The following WDR44 variants were observed in gnomAD, a reference collection of about 807,000 sequenced individuals.
WDR44 encodes the protein WD repeat domain 44, also known as WD repeat-containing protein 44.
WDR44 carries 9 observed loss-of-function variants against 65.7 expected under a neutral mutation model. The observed-to-expected ratio is 0.14, with a 90% CI of 0.08 to 0.24. The LOEUF is 0.24. Among genes scored for constraint, WDR44 ranks in the 10% least tolerant of loss-of-function variants. WDR44 has a pLI of 1.00. For synonymous variants in WDR44, 220 were observed against 235.2 expected (o/e 0.94, Z 0.59); for missense variants, 425 against 670.9 (o/e 0.63, Z 4.05).
In WDR44 at chrX:118,449,017, A is replaced by G. The variant is rs776077582; in HGVS notation, c.*30A>G. On this transcript the variant is annotated 3_prime_UTR_variant, in exon 20 of 20. Coordinates refer to ENST00000254029, the MANE Select transcript of WDR44 (RefSeq NM_019045.5). Reference sequence around the variant, plus strand: ...AAATGGCATTTAAAATAAACATATCAGTAAGTTTCTATATGTATCAAAACT... The same window carrying G: ...AAATGGCATTTAAAATAAACATATCGGTAAGTTTCTATATGTATCAAAACT... 29 of 1,020,236 alleles carry G rather than the reference A, an allele frequency of 2.8e-5. No individual in the cohort carries two copies. Among genetic ancestry groups the G allele is most frequent in the Middle Eastern group, 2.9e-4 (1 of 3,494 alleles). The allele number at this position is 1,020,236 out of a possible 1,213,427, so 84.1% of individuals were successfully genotyped here.
chrX:118,361,589 T>TA (rs1300454013), intron 1 of WDR44, among the ~76,000 whole-genome samples: 3 of 110,098 alleles, frequency 2.7e-5, no homozygotes, highest in Non-Finnish European at 3.8e-5. Context: ...TCAAAAAAAT[T>TA]AAAAAATTAA....
intron 6 of WDR44, among the ~76,000 whole-genome samples, chrX:118,395,971 G>A (rs1019759892): frequency 6.4e-5 from 7 of 109,419 alleles, no homozygotes; most frequent in African/African-American, 1.7e-4. Flanking sequence ...GCAGTGAGCC[G>A]AGATCACACC....
At position 118,441,549 on chromosome X, in the gene WDR44, A is replaced by G; in HGVS notation, c.2156A>G (p.Tyr719Cys). Residue 719 changes from tyrosine to cysteine, a missense_variant, in exon 15 of 20, where the codon TAT (tyrosine) becomes TGT (cysteine). This residue lies in a region of WDR44 where 73 missense variants were observed against 187.4 expected (regional missense o/e 0.39). Transcript: ENST00000254029. Reference protein sequence around the residue: ...IGTYDGRCIFYDTEHLKYHTQ... With the variant: ...IGTYDGRCIFCDTEHLKYHTQ... ...ACATATGATGGCAGATGTATTTTCT[A>G]TGATACAGAGGTAAATGATTGTTTT... The G allele has an allele frequency of 8.3e-7, 1 of 1,203,618 alleles. No homozygotes were observed. Among genetic ancestry groups the G allele is most frequent in the Non-Finnish European group, 1.1e-6 (1 of 889,215 alleles).
chrX:118,403,833 T>C (rs2056940310), intron 8 of WDR44, among the ~76,000 whole-genome samples: 1 of 112,212 alleles, frequency 8.9e-6, no homozygotes, highest in Admixed American at 9.5e-5. Flanking sequence ...TTTTATTACA[T>C]GCACCTACCC....
chrX:118,353,735 C>T (rs1161628444), intron 1 of WDR44, among the ~76,000 whole-genome samples: 1 of 111,972 alleles, frequency 8.9e-6, no homozygotes, highest in Non-Finnish European at 1.9e-5. Flanking sequence ...ATTTCCAGAT[C>T]GAGGGTGACC....
intron 1 of WDR44, among the ~76,000 whole-genome samples, chrX:118,352,347 TA>T (rs1235275942): frequency 3.6e-3 from 102 of 28,422 alleles, no homozygotes; most frequent in African/African-American, 0.017. Flanking sequence ...TATATATATA[TA>T]TATATTTTTT....
intron 12 of WDR44, among the ~76,000 whole-genome samples, chrX:118,416,682 G>GTA (rs2057060214): frequency 8.9e-6 from 1 of 111,747 alleles, no homozygotes; most frequent in Non-Finnish European, 1.9e-5. Flanking sequence ...GGAATGTTCT[G>GTA]TATATATATC....
intron 1 of WDR44, among the ~76,000 whole-genome samples, chrX:118,369,509 A>C (rs745688109): frequency 1.2e-5 from 1 of 82,732 alleles, no homozygotes; most frequent in Admixed American, 1.6e-4. Flanking sequence ...TTGCTCTGTC[A>C]CCCAGGCTGG....
intron 9 of WDR44, among the ~76,000 whole-genome samples, chrX:118,406,405 A>T (rs1046160560): frequency 9.0e-6 from 1 of 111,391 alleles, no homozygotes; most frequent in Admixed American, 9.6e-5. Context: ...TGTTTGTATA[A>T]AAATAAATAA....
intron 1 of WDR44, among the ~76,000 whole-genome samples, chrX:118,347,272 C>T (rs1319450233): frequency 1.8e-5 from 2 of 112,258 alleles, no homozygotes; most frequent in Non-Finnish European, 3.8e-5. Context: ...CAACTGACTG[C>T]AGAGGGACAA....
chrX:118,384,933 A>G (rs1031375402), intron 2 of WDR44, among the ~76,000 whole-genome samples: 2 of 111,483 alleles, frequency 1.8e-5, no homozygotes, highest in African/African-American at 6.5e-5. Flanking sequence ...GCAATTGCAA[A>G]TGATGGGAGT....
intron 19 of WDR44, chrX:118,447,176 T>G (rs1409368778): frequency 4.2e-6 from 1 of 238,051 alleles, no homozygotes; most frequent in Non-Finnish European, 7.8e-6. Context: ...CCTGGCCTTT[T>G]TTTCTTTTCT....
chrX:118,384,347 T>G (rs2056747289), intron 2 of WDR44, among the ~76,000 whole-genome samples: 1 of 111,509 alleles, frequency 9.0e-6, no homozygotes, highest in Admixed American at 9.6e-5. Flanking sequence ...AGACAAAAAA[T>G]AAGCAAGTAA....
At chrX:118,404,474 CA>C (rs2056945844) in intron 9 of WDR44, 30 bp downstream of exon 9, 1 of 1,041,713 alleles carries the variant, frequency 9.6e-7, no homozygotes, top group African/African-American at 1.9e-5. Flanking sequence ...TTCAACTAAA[CA>C]TTCAATTAAT....
At chrX:118,439,507 C>T (rs1202695361) in intron 14 of WDR44, among the ~76,000 whole-genome samples, 1 of 109,637 alleles carries the variant, frequency 9.1e-6, no homozygotes, top group East Asian at 2.9e-4. Flanking sequence ...GCCAAGGAGG[C>T]GGAGGTTGCA....
At chrX:118,354,437 A>G (rs1035386343) in intron 1 of WDR44, among the ~76,000 whole-genome samples, 9 of 109,329 alleles carry the variant, frequency 8.2e-5, no homozygotes, top group Non-Finnish European at 1.7e-4. Context: ...AAAAAAAACT[A>G]TAGTTAAATT....
At chrX:118,399,352 C>T (rs2056892783) in intron 8 of WDR44, among the ~76,000 whole-genome samples, 1 of 112,189 alleles carries the variant, frequency 8.9e-6, no homozygotes, top group Admixed American at 9.5e-5. Context: ...ACACAAGTCA[C>T]TAAATTGATA....
At chrX:118,373,790 G>A (rs1259375529) in intron 1 of WDR44, among the ~76,000 whole-genome samples, 1 of 111,368 alleles carries the variant, frequency 9.0e-6, no homozygotes, top group Non-Finnish European at 1.9e-5. Flanking sequence ...TCTGACTCAA[G>A]CCAGTTTTTT....
chrX:118,440,949 C>CTTTTTT lies in WDR44; in HGVS notation c.1975-395_1975-390dup, dbSNP rs1214126337. 7.7e-4 allele frequency among the ~76,000 whole-genome samples: 39 copies of CTTTTTT among 50,355 alleles called. 3 individuals are homozygous for CTTTTTT. The highest frequency in any genetic ancestry group is 2.5e-3 in the African/African-American group (28 of 11,179). 43.7% of individuals were successfully genotyped at this position (50,355 alleles called of 115,157 possible). On this transcript the variant is annotated intron_variant, in intron 14 of 19. Transcript: ENST00000254029. ...AAGAATAAAAATTTTTAAATGAAAT[C>CTTTTTT]TTTTTTTTTTTTTTTTTTTTTTTTT...
Sources: allele counts gnomAD v4.1 joint callset (sites outside exome capture counted in the v4.1 genomes callset), GRCh38; gene constraint gnomAD v4.1.1; regional missense constraint gnomAD v4.1.1; transcripts MANE v1.5; gene names NCBI Gene and HGNC (gene_info 2026-07-23, HGNC 2026-07-21).